Variants in SLC35H1 observed in about 807,000 individuals in gnomAD.
SLC35H1 encodes solute carrier family 35 member H1, also known as ovarian cancer-overexpressed gene 1 protein.
chr20:46,355,736 C>T, the SLC35H1 span: 1 of 1,609,028 alleles, frequency 6.2e-7, no homozygotes, highest in Non-Finnish European at 8.5e-7. The surrounding 1 kb of genome is among the most constrained non-coding windows in gnomAD (Gnocchi z 4.8). Context: ...AGCCACTGCT[C>T]AGACTCCCAC....
At chr20:46,356,633 C>T in the SLC35H1 span, 6 of 1,613,618 alleles carry the variant, frequency 3.7e-6, no homozygotes, top group East Asian at 6.7e-5. Flanking sequence ...GCGCCGTCGC[C>T]AGAGCTGTGA....
At chr20:46,352,573 G>GGAT in the SLC35H1 span, 4 of 223,094 alleles carry the variant, frequency 1.8e-5, no homozygotes, top group African/African-American at 4.7e-5. Flanking sequence ...GATCCTAGCG[G>GGAT]GATGATGGGA....
At chr20:46,363,541 T>C in the SLC35H1 span, among the ~76,000 whole-genome samples, 1 of 152,238 alleles carries the variant, frequency 6.6e-6, no homozygotes, top group South Asian at 2.1e-4. Flanking sequence ...GATGAAGTCA[T>C]CTTTGACCAC....
the SLC35H1 span, chr20:46,352,333 G>T: frequency 1.0e-6 from 1 of 962,718 alleles, no homozygotes; most frequent in Non-Finnish European, 1.6e-6. Context: ...TTCTTACTGA[G>T]ACCTGCTAAC....
chr20:46,355,154 A>T, the SLC35H1 span: 1 of 1,613,972 alleles, frequency 6.2e-7, no homozygotes, highest in Non-Finnish European at 8.5e-7. The surrounding 1 kb of genome is among the most constrained non-coding windows in gnomAD (Gnocchi z 4.8). Context: ...ACCAAGGCGA[A>T]GCCCTCCACG....
chr20:46,360,638 A>C, the SLC35H1 span, among the ~76,000 whole-genome samples: 1 of 151,994 alleles, frequency 6.6e-6, no homozygotes, highest in African/African-American at 2.4e-5. Context: ...TCCGCCTCCC[A>C]GGTTCAAGCG....
chr20:46,354,756 C>T, the SLC35H1 span: 29 of 819,084 alleles, frequency 3.5e-5, no homozygotes, highest in Admixed American at 1.2e-4. Context: ...CCAAACCATG[C>T]GCTTCCAGGG....
At chr20:46,353,993 A>G in the SLC35H1 span, among the ~76,000 whole-genome samples, 1 of 152,166 alleles carries the variant, frequency 6.6e-6, no homozygotes, top group African/African-American at 2.4e-5. Flanking sequence ...AATGACCCTG[A>G]GGGCATTACA....
chr20:46,355,203 C>T, the SLC35H1 span: 5 of 1,613,946 alleles, frequency 3.1e-6, no homozygotes, highest in Non-Finnish European at 4.2e-6. This position sits in a 1 kb window ranked among gnomAD's most constrained non-coding sequence, Gnocchi z 4.8. Context: ...TGAAGAGACC[C>T]CCGGCGATGA....
At chr20:46,357,777 T>C in the SLC35H1 span, 7 of 1,613,888 alleles carry the variant, frequency 4.3e-6, no homozygotes, top group African/African-American at 9.3e-5. Flanking sequence ...GGAAGCTCTG[T>C]ATGGAGCCCA....
the SLC35H1 span, chr20:46,357,841 C>T: frequency 1.3e-6 from 2 of 1,558,486 alleles, no homozygotes; most frequent in South Asian, 1.2e-5. Flanking sequence ...GCTCCCTCTT[C>T]CTCTTCGCCC....
the SLC35H1 span, chr20:46,350,985 T>C: frequency 6.6e-7 from 1 of 1,508,506 alleles, no homozygotes; most frequent in Admixed American, 1.8e-5. Flanking sequence ...TACACTCAGG[T>C]GGGCAGATCA....
chr20:46,358,056 G>A, the SLC35H1 span, among the ~76,000 whole-genome samples: 5 of 152,208 alleles, frequency 3.3e-5, no homozygotes, highest in Non-Finnish European at 5.9e-5. Context: ...CACGGCCTAT[G>A]CCCAAGTGAG....
the SLC35H1 span, chr20:46,355,073 C>T: frequency 5.0e-6 from 8 of 1,613,902 alleles, no homozygotes; most frequent in Admixed American, 1.7e-5. The surrounding 1 kb of genome is among the most constrained non-coding windows in gnomAD (Gnocchi z 4.8). Context: ...ACGTGCTCAC[C>T]GAGTTCAGCC....
At chr20:46,357,693 A>T in the SLC35H1 span, 1 of 1,614,092 alleles carries the variant, frequency 6.2e-7, no homozygotes, top group Non-Finnish European at 8.5e-7. Context: ...TGGAGCACTG[A>T]ACCAGCGCCC....
chr20:46,348,456 C>A, the SLC35H1 span: 2 of 152,220 alleles, frequency 1.3e-5, no homozygotes, highest in Admixed American at 6.5e-5. Context: ...CCCTGGCCCC[C>A]CTCCTTGGCT....
the SLC35H1 span, chr20:46,355,360 A>G: frequency 8.8e-7 from 1 of 1,135,284 alleles, no homozygotes; most frequent in Non-Finnish European, 1.2e-6. This position sits in a 1 kb window ranked among gnomAD's most constrained non-coding sequence, Gnocchi z 4.8. Context: ...AAATCCTTCC[A>G]CCCTTCAGCT....
the SLC35H1 span, chr20:46,355,180 T>C: frequency 6.2e-7 from 1 of 1,614,068 alleles, no homozygotes; most frequent in Non-Finnish European, 8.5e-7. This position sits in a 1 kb window ranked among gnomAD's most constrained non-coding sequence, Gnocchi z 4.8. Context: ...CTGTGTGGAC[T>C]TGTAGGTGAA....
chr20:46,352,119 C>T, the SLC35H1 span: 1 of 1,614,174 alleles, frequency 6.2e-7, no homozygotes, highest in East Asian at 2.2e-5. Context: ...TCAGAGAAGC[C>T]CAAACCAAAG....
Sources: allele counts gnomAD v4.1 joint callset (sites outside exome capture counted in the v4.1 genomes callset), GRCh38; gene constraint gnomAD v4.1.1; non-coding constraint Gnocchi (gnomAD v3.1); transcripts MANE v1.5; gene names NCBI Gene and HGNC (gene_info 2026-07-23, HGNC 2026-07-21).